GALNS: variants seen among roughly 807,000 people sequenced by gnomAD.
The protein encoded by GALNS is N-acetylgalactosamine-6-sulfatase.
A neutral mutation model predicts 65.9 loss-of-function variants in GALNS; 65 were observed. The ratio of observed to expected loss-of-function variants is 0.99; its 90% CI spans 0.81 to 1.21. GALNS has a LOEUF of 1.21. Among genes scored for constraint, GALNS ranks in the 50% most tolerant of loss-of-function variants. The pLI is 0.00. For synonymous variants in GALNS, 346 were observed against 288.9 expected, an observed-to-expected ratio of 1.20 and a Z score of -2.00; for missense variants, 776 against 700.7, an observed-to-expected ratio of 1.11 and a Z score of -1.21.
Position 88,855,390 on chromosome 16 carries a change from A to G in GALNS, c.120+1368T>C, listed in dbSNP as rs1489828751. The stretch of plus-strand genomic sequence containing the variant: ...TCTACACTGGCCCAGAGGAACTTCA[A>G]AAGTGAAAGGATGAAATTCTGAAGC... On this transcript the variant is annotated intron_variant, in intron 1 of 13. Coordinates refer to ENST00000268695, the MANE Select transcript of GALNS (RefSeq NM_000512.5). 3 of 702,738 alleles carry G rather than the reference A, an allele frequency of 4.3e-6. No homozygotes were observed. In the Admixed American group the frequency reaches 6.0e-5, roughly 14 times the overall value. 43.5% of individuals were successfully genotyped at this position (702,738 alleles called of 1,614,324 possible). A position where few individuals can be genotyped will look rare whatever the true frequency, so the allele number is the denominator to read the frequency against.
intron 1 of GALNS, among the ~76,000 whole-genome samples, chr16:88,851,066 T>G (rs1967486735): frequency 1.1e-5 from 1 of 94,516 alleles, no homozygotes; most frequent in South Asian, 3.8e-4. Flanking sequence ...AGCTCTCATC[T>G]GCTGACCCTG....
intron 11 of GALNS, among the ~76,000 whole-genome samples, chr16:88,823,233 C>T (rs1331327547): frequency 1.3e-5 from 2 of 152,156 alleles, no homozygotes; most frequent in African/African-American, 4.8e-5. Flanking sequence ...TACAGAAACC[C>T]TAAGACAGGG....
intron 1 of GALNS, among the ~76,000 whole-genome samples, chr16:88,847,011 AG>A (rs1967276721): frequency 1.3e-5 from 2 of 152,228 alleles, no homozygotes; most frequent in South Asian, 4.2e-4. Flanking sequence ...GACGGCAGGG[AG>A]GGAAAACCTC....
intron 13 of GALNS, chr16:88,817,533 C>T (rs1909755995): frequency 1.0e-6 from 1 of 985,208 alleles, no homozygotes; most frequent in African/African-American, 1.7e-5. Context: ...ACAGTGCCCA[C>T]CAGCCCACCC....
chr16:88,835,081 C>T (rs1911970283), intron 8 of GALNS, 132 bp downstream of exon 8: 6 of 1,184,458 alleles, frequency 5.1e-6, no homozygotes, highest in Non-Finnish European at 7.2e-6. Context: ...GTGACATCTG[C>T]TCCTCCCGCT....
intron 4 of GALNS, 115 bp downstream of exon 4, chr16:88,840,877 C>T (rs571217513): frequency 2.6e-5 from 22 of 835,012 alleles, no homozygotes; most frequent in Non-Finnish European, 4.2e-5. Flanking sequence ...AATCAGCTGC[C>T]GTTTCCCACC....
chr16:88,843,048 C>G, intron 1 of GALNS: 1 of 1,521,082 alleles, frequency 6.6e-7, no homozygotes, highest in Non-Finnish European at 8.8e-7. Context: ...CGCCTGCGTG[C>G]GTGCACGATG....
chr16:88,817,254 C>T (rs962100060), intron 13 of GALNS: 12 of 985,042 alleles, frequency 1.2e-5, no homozygotes, highest in African/African-American at 5.2e-5. Flanking sequence ...GACAAGACGA[C>T]GACGCATCCT....
chr16:88,842,273 C>G (rs1278464458), intron 2 of GALNS: 3 of 547,136 alleles, frequency 5.5e-6, no homozygotes, highest in Non-Finnish European at 9.9e-6. Context: ...ACGCCCCCAT[C>G]CTCGAGCACC....
chr16:88,843,082 G>T, intron 1 of GALNS: 1 of 1,501,558 alleles, frequency 6.7e-7, no homozygotes, highest in East Asian at 2.6e-5. Context: ...GTCAGCCCAC[G>T]CTGTCTTTCG....
Position 88,824,790 on chromosome 16 carries a change from T to G in GALNS, c.1219A>C (p.Asn407His), listed in dbSNP as rs749578474. The change falls in exon 11 of 14, where the codon AAC becomes CAC. Residue 407 changes from asparagine (N) to histidine (H), a missense_variant. By Grantham distance (68) the Asn-to-His change is moderately conservative. Coordinates refer to ENST00000268695, the MANE Select transcript of GALNS (RefSeq NM_000512.5). ...ACCTGTCTGAAGTTCTCCCAGGAGT[T>G]GGTCCAGGTCCAGAAGTGAGCCTTG... ...QHKAHFWTWT[N>H]SWENFRQGID... 8.1e-6 allele frequency: 13 copies of G among 1,613,300 alleles called. No homozygotes were observed. Among genetic ancestry groups the G allele is most frequent in the Non-Finnish European group, 1.1e-5 (13 of 1,180,000 alleles).
chr16:88,816,869 T>C (rs901693825), intron 13 of GALNS: 8 of 985,332 alleles, frequency 8.1e-6, no homozygotes, highest in South Asian at 4.7e-5. Context: ...TCCCGAATCC[T>C]GCGCGGCAGA....
At chr16:88,848,742 G>C (rs534572370) in intron 1 of GALNS, among the ~76,000 whole-genome samples, 7 of 152,286 alleles carry the variant, frequency 4.6e-5, no homozygotes, top group Middle Eastern at 3.4e-3. Context: ...TGAACAGAGG[G>C]GAAGCCCTCA....
chr16:88,821,490 C>A (rs1567516136), intron 12 of GALNS, among the ~76,000 whole-genome samples: 1 of 152,198 alleles, frequency 6.6e-6, no homozygotes, highest in African/African-American at 2.4e-5. Flanking sequence ...TCCATGCTGC[C>A]TTCCCGCAGT....
chr16:88,854,994 T>C lies in GALNS; in HGVS notation c.120+1764A>G, dbSNP rs141473060. Reference sequence around the variant, plus strand: ...GCTTCCTGTCACCCTCCCCCACATGTGCCCCGGTGGCCACACCCCACCCCT... The same window carrying C: ...GCTTCCTGTCACCCTCCCCCACATGCGCCCCGGTGGCCACACCCCACCCCT... On this transcript the variant is annotated intron_variant, in intron 1 of 13. Transcript: ENST00000268695. 1,107 of 337,984 alleles carry C rather than the reference T, an allele frequency of 3.3e-3. 15 individuals carry two copies. Among genetic ancestry groups the C allele is most frequent in the African/African-American group, 0.022 (1,014 of 46,078 alleles). The allele number at this position is 337,984 out of a possible 1,614,324, so 20.9% of individuals were successfully genotyped here.
At chr16:88,828,813 C>T (rs570195534) in intron 9 of GALNS, among the ~76,000 whole-genome samples, 1 of 152,324 alleles carries the variant, frequency 6.6e-6, no homozygotes, top group African/African-American at 2.4e-5. Context: ...GGGTGGCTCC[C>T]CTCACCTTTT....
In GALNS at chr16:88,837,650, C is replaced by T. The variant is rs1234409957; in HGVS notation, c.538G>A (p.Val180Met). 1 of 1,613,858 alleles carries T rather than the reference C, an allele frequency of 6.2e-7. No individual in the cohort carries two copies. The highest frequency in any genetic ancestry group is 1.7e-5 in the Admixed American group (1 of 60,008). Residue 180 changes from valine to methionine, a missense_variant, in exon 5 of 14, where the codon GTG becomes ATG. Coordinates refer to ENST00000268695, the MANE Select transcript of GALNS (RefSeq NM_000512.5). ...CCAACCATCTCCCAGTCCCTGTACA[C>T]AGGGATGTTGGGCCTGGCCTTGTTG... ...YDNKARPNIPVYRDWEMVGRY... is the reference protein window; with the variant it reads ...YDNKARPNIPMYRDWEMVGRY...
Position 88,842,775 on chromosome 16 carries a change from A to C in GALNS, c.175T>G (p.Leu59Val), listed in dbSNP as rs1262129741. 19 of 1,613,196 alleles carry C rather than the reference A, an allele frequency of 1.2e-5. No homozygotes were observed. The highest frequency in any genetic ancestry group is 1.4e-5 in the Non-Finnish European group (17 of 1,179,888). ...YGEPSRETPN[L>V]DRMAAEGLLF... is the part of the protein sequence containing the mutation. The stretch of plus-strand genomic sequence containing the variant: ...AGCCCTTCTGCAGCCATCCGGTCCA[A>C]ATTCGGGGTCTCTCTGGAGGGCTCT... Residue 59 changes from leucine (L) to valine (V), a missense_variant, in exon 2 of 14, where the codon TTG becomes GTG. Coordinates refer to ENST00000268695, the MANE Select transcript of GALNS (RefSeq NM_000512.5).
At chr16:88,849,515 A>C (rs1597594835) in intron 1 of GALNS, among the ~76,000 whole-genome samples, 1 of 151,732 alleles carries the variant, frequency 6.6e-6, no homozygotes, top group Non-Finnish European at 1.5e-5. Flanking sequence ...TTGAATACTG[A>C]CCTCAGGTGA....
Sources: gnomAD v4.1 joint callset for allele counts (sites outside exome capture counted in the v4.1 genomes callset) on GRCh38, gnomAD v4.1.1 for gene constraint, MANE v1.5 for transcripts, NCBI Gene and HGNC (gene_info 2026-07-23, HGNC 2026-07-21) for gene names.